The following RANBP17 variants were observed in gnomAD, a reference collection of about 807,000 sequenced individuals.
The protein encoded by RANBP17 is ran-binding protein 17.
A neutral mutation model predicts 141.2 loss-of-function variants in RANBP17; 158 were observed. The observed-to-expected ratio is 1.12, with a 90% confidence interval of 0.98 to 1.28. The LOEUF is 1.28. Ranked by LOEUF, RANBP17 falls within the 50% of genes most tolerant of loss-of-function variation. The pLI, the probability that RANBP17 is intolerant of heterozygous loss-of-function variation, is 0.00. For synonymous variants in RANBP17, 430 were observed against 450.0 expected (o/e 0.96, Z 0.56); for missense variants, 1,438 against 1,290.7 (o/e 1.11, Z -1.75).
intron 12 of RANBP17, among the ~76,000 whole-genome samples, chr5:170,931,050 C>A (rs987469761): frequency 5.9e-5 from 9 of 152,212 alleles, no homozygotes; most frequent in Non-Finnish European, 1.2e-4. Flanking sequence ...GTTCCTATTT[C>A]TCCACATCCT....
chr5:171,089,279 C>G (rs10073714), intron 14 of RANBP17, among the ~76,000 whole-genome samples: 41,692 of 73,932 alleles, frequency 0.56, 14,758 homozygotes, highest in South Asian at 0.79. Context: ...TCGGGGGTCA[C>G]GGGTCAGGGA....
At chr5:171,031,366 T>C (rs951640165) in intron 14 of RANBP17, among the ~76,000 whole-genome samples, 3 of 152,024 alleles carry the variant, frequency 2.0e-5, no homozygotes, top group African/African-American at 7.2e-5. Context: ...AATGTGACTT[T>C]CGGACTATTC....
intron 21 of RANBP17, among the ~76,000 whole-genome samples, chr5:171,214,843 T>C (rs1763117379): frequency 6.6e-6 from 1 of 152,204 alleles, no homozygotes; most frequent in African/African-American, 2.4e-5. Flanking sequence ...AAAAAATCAT[T>C]GCATTGTATA....
intron 14 of RANBP17, among the ~76,000 whole-genome samples, chr5:170,993,137 A>C (rs1778612156): frequency 6.6e-6 from 1 of 151,996 alleles, no homozygotes; most frequent in Non-Finnish European, 1.5e-5. Context: ...GGGAAGGGGG[A>C]AAAAGCCACT....
chr5:171,131,092 C>T (rs1037629634), intron 14 of RANBP17, among the ~76,000 whole-genome samples: 1 of 152,042 alleles, frequency 6.6e-6, no homozygotes, highest in African/African-American at 2.4e-5. Flanking sequence ...AGCCTTTGGG[C>T]GAATTTTTCA....
intron 7 of RANBP17, 57 bp from the exon 8 acceptor site, chr5:170,914,109 CT>C: frequency 8.6e-7 from 1 of 1,166,674 alleles, no homozygotes; most frequent in South Asian, 1.2e-5. Context: ...TATTGTCTTA[CT>C]TTGTTAAGAT....
intron 1 of RANBP17, among the ~76,000 whole-genome samples, chr5:170,866,182 C>A (rs973802268): frequency 6.6e-6 from 1 of 152,074 alleles, no homozygotes; most frequent in African/African-American, 2.4e-5. Context: ...TATGGCCAGC[C>A]CCTCCCCTAA....
intron 14 of RANBP17, among the ~76,000 whole-genome samples, chr5:171,019,692 AT>A (rs201600569): frequency 0.019 from 2,751 of 145,680 alleles, 29 homozygotes; most frequent in Non-Finnish European, 0.023. Flanking sequence ...TATTTTGTTA[AT>A]TTTTTTTTTT....
chr5:171,116,043 T>G (rs549636648), intron 14 of RANBP17, among the ~76,000 whole-genome samples: 1 of 152,296 alleles, frequency 6.6e-6, no homozygotes, highest in African/African-American at 2.4e-5. Flanking sequence ...AATTTATAAA[T>G]GTTGTATAGA....
chr5:171,177,014 A>G (rs1012287485), intron 16 of RANBP17, among the ~76,000 whole-genome samples: 2 of 152,230 alleles, frequency 1.3e-5, no homozygotes, highest in Non-Finnish European at 2.9e-5. Flanking sequence ...TTTGTGAAAC[A>G]GTATTAAAAT....
intron 14 of RANBP17, among the ~76,000 whole-genome samples, chr5:171,058,167 T>C (rs1387847375): frequency 6.6e-6 from 1 of 152,026 alleles, no homozygotes; most frequent in African/African-American, 2.4e-5. Context: ...TTTTTTATTT[T>C]ATTATTATTA....
At chr5:171,049,054 A>G (rs111812726) in intron 14 of RANBP17, among the ~76,000 whole-genome samples, 4,027 of 152,296 alleles carry the variant, frequency 0.026, 161 homozygotes, top group African/African-American at 0.091. Context: ...AGAAATCGCC[A>G]CACTGCTTTC....
chr5:171,174,366 C>G (rs964258688), intron 16 of RANBP17, among the ~76,000 whole-genome samples: 1 of 152,004 alleles, frequency 6.6e-6, no homozygotes, highest in Non-Finnish European at 1.5e-5. Context: ...GTTTCCTGGT[C>G]AGAAATTTTA....
At position 171,005,159 on chromosome 5, in the gene RANBP17, C is replaced by A. The variant is rs1251276957; in HGVS notation, c.1710+36782C>A. Among the ~76,000 whole-genome samples, 4 of 152,078 alleles carry A rather than the reference C, an allele frequency of 2.6e-5. No individual in the cohort carries two copies. In the East Asian group the frequency reaches 7.7e-4, roughly 29 times the overall value. ...AAGGCGGCCTTTATCGTGAAAATGG[C>A]CATACTGCCCAAGGTAATTTATAGA... On this transcript the variant is annotated intron_variant, in intron 14 of 27. Transcript: ENST00000523189.
intron 14 of RANBP17, among the ~76,000 whole-genome samples, chr5:171,064,487 C>T (rs1390315306): frequency 6.6e-6 from 1 of 151,870 alleles, no homozygotes; most frequent in Non-Finnish European, 1.5e-5. Context: ...CAAATCTTTG[C>T]CCATTTGTTT....
intron 14 of RANBP17, among the ~76,000 whole-genome samples, chr5:171,122,842 G>T (rs1005691305): frequency 1.3e-5 from 2 of 152,142 alleles, no homozygotes. Context: ...ATTACATTCT[G>T]CCCTGGAGCC....
intron 12 of RANBP17, among the ~76,000 whole-genome samples, chr5:170,940,439 T>G (rs1488296463): frequency 2.6e-5 from 4 of 152,132 alleles, no homozygotes; most frequent in African/African-American, 9.7e-5. Context: ...TTTCGGATTT[T>G]TGGAATTGTC....
intron 14 of RANBP17, among the ~76,000 whole-genome samples, chr5:171,124,141 T>C (rs1259726296): frequency 6.6e-6 from 1 of 151,886 alleles, no homozygotes. Flanking sequence ...ATGATCTCAA[T>C]GAGAAATTTA....
At chr5:171,062,833 A>G (rs976607031) in intron 14 of RANBP17, among the ~76,000 whole-genome samples, 2 of 152,100 alleles carry the variant, frequency 1.3e-5, no homozygotes, top group Admixed American at 6.5e-5. Flanking sequence ...ACATAGTCCC[A>G]TATTTCTTGG....
Sources: gnomAD v4.1 joint callset for allele counts (sites outside exome capture counted in the v4.1 genomes callset) on GRCh38, gnomAD v4.1.1 for gene constraint, MANE v1.5 for transcripts, NCBI Gene and HGNC (gene_info 2026-07-23, HGNC 2026-07-21) for gene names.